Variants in DGKH observed in about 807,000 individuals in gnomAD.
DGKH encodes the protein diacylglycerol kinase eta.
A neutral mutation model predicts 159.3 loss-of-function variants in DGKH; 90 were observed. That is an observed-to-expected ratio of 0.57 (90% CI 0.48 to 0.67). The LOEUF (loss-of-function observed/expected upper bound fraction) is 0.67, where lower values mean the gene tolerates loss of function less well. Ranked by LOEUF, DGKH falls within the 30% of genes least tolerant of loss-of-function variation. The probability of loss-of-function intolerance (pLI) is 0.00; values close to 1 mark genes in which losing one functional copy is unlikely to be tolerated. For missense variants in DGKH, 1,181 were observed against 1,506.1 expected, an observed-to-expected ratio of 0.78 and a Z score of 3.57; for synonymous variants, 536 against 553.8, an observed-to-expected ratio of 0.97 and a Z score of 0.45.
At chr13:42,136,150 C>T (rs1404888109) in intron 3 of DGKH, among the ~76,000 whole-genome samples, 1 of 152,178 alleles carries the variant, frequency 6.6e-6, no homozygotes, top group Non-Finnish European at 1.5e-5. Context: ...ACCACAATAC[C>T]TGCAGTTTAA....
chr13:42,173,941 ATGTGTGTGTG>A (rs71298955), intron 11 of DGKH, 109 bp from the exon 12 acceptor site: 8 of 481,256 alleles, frequency 1.7e-5, no homozygotes, highest in African/African-American at 1.4e-4. Flanking sequence ...TAGTTCATGA[ATGTGTGTGTG>A]TGTGTGTGCG....
intron 3 of DGKH, among the ~76,000 whole-genome samples, chr13:42,147,360 C>T (rs9525581): frequency 2.6e-5 from 4 of 151,900 alleles, no homozygotes; most frequent in Admixed American, 1.3e-4. Flanking sequence ...TACTTTTTTG[C>T]TATCATTTTC....
At position 42,219,804 on chromosome 13, in the gene DGKH, C is replaced by T. The variant is rs116418522; in HGVS notation, c.3442+10C>T. On this transcript the variant is annotated intron_variant, in intron 28 of 29. Coordinates refer to ENST00000337343, the MANE Select transcript of DGKH (RefSeq NM_178009.5). ...ACAAGTTCACAGCCTGGTAGGTGGTCCATATGGAAGGGGAAATATAACATT... is the reference window on the plus strand; with the variant it reads ...ACAAGTTCACAGCCTGGTAGGTGGTTCATATGGAAGGGGAAATATAACATT... 1,057 of 1,608,428 alleles carry T rather than the reference C, an allele frequency of 6.6e-4. 3 individuals are homozygous for T. In the African/African-American group the frequency reaches 0.013, roughly 19 times the overall value.
chr13:42,207,123 C>A (rs1163973981), intron 21 of DGKH, among the ~76,000 whole-genome samples: 2 of 52,232 alleles, frequency 3.8e-5, no homozygotes, highest in African/African-American at 1.3e-4. Context: ...CTCTTTCTCT[C>A]TCCTTCCTTC....
chr13:42,138,086 G>A (rs1316876095), intron 3 of DGKH: 2 of 985,304 alleles, frequency 2.0e-6, no homozygotes, highest in South Asian at 9.4e-5. Context: ...GAGCTGAAAG[G>A]GGCCTTCAAG....
chr13:42,176,581 C>T (rs186996976), intron 12 of DGKH, among the ~76,000 whole-genome samples: 12 of 99,856 alleles, frequency 1.2e-4, no homozygotes, highest in East Asian at 1.1e-3. Context: ...GAAAGAGTAA[C>T]ATAACCACTT....
intron 3 of DGKH, among the ~76,000 whole-genome samples, chr13:42,152,240 A>G (rs926265228): frequency 3.9e-5 from 6 of 152,134 alleles, no homozygotes; most frequent in African/African-American, 1.4e-4. Flanking sequence ...ATTTGTTACA[A>G]TGGCAATAGG....
At chr13:42,216,798 TG>T in intron 26 of DGKH, 1 of 152,356 alleles carries the variant, frequency 6.6e-6, no homozygotes, top group South Asian at 2.1e-4. Flanking sequence ...ATAAAACCAG[TG>T]GAGCCCCTTC....
rs1481005870 is a variant in DGKH, at chr13:42,239,837, G to A, written c.*10649G>A. ...GACCTTGCCTCTTTCTTCCTTTTTA[G>A]TATCCTCACCAACCTTCCCTCTGTT... On this transcript the variant is annotated 3_prime_UTR_variant, in exon 30 of 30. Coordinates refer to ENST00000337343, the MANE Select transcript of DGKH (RefSeq NM_178009.5). 6.6e-6 allele frequency: 1 copy of A among 152,052 alleles called. No homozygotes were observed. Among genetic ancestry groups the A allele is most frequent in the Admixed American group, 6.6e-5 (1 of 15,262 alleles). 9.4% of individuals were successfully genotyped at this position (152,052 alleles called of 1,614,324 possible). A position where few individuals can be genotyped will look rare whatever the true frequency, so the allele number is the denominator to read the frequency against.
At chr13:42,254,816 G>A (rs1018223380) in intron 30 of DGKH, among the ~76,000 whole-genome samples, 2 of 152,058 alleles carry the variant, frequency 1.3e-5, no homozygotes, top group Non-Finnish European at 2.9e-5. Context: ...AATGTTCAAT[G>A]AAATGTTTCG....
intron 1 of DGKH, among the ~76,000 whole-genome samples, chr13:42,073,745 C>A (rs1883127673): frequency 2.0e-5 from 3 of 152,082 alleles, no homozygotes; most frequent in Non-Finnish European, 4.4e-5. Flanking sequence ...TGGTATACAA[C>A]CATGCATGCA....
intron 1 of DGKH, among the ~76,000 whole-genome samples, chr13:42,084,681 A>G (rs1030423643): frequency 3.0e-4 from 46 of 152,152 alleles, no homozygotes; most frequent in African/African-American, 1.1e-3. Context: ...AATATTCTTT[A>G]TAGGTTGCTA....
In DGKH at chr13:42,232,388, A is replaced by C. The variant is rs1958319133; in HGVS notation, c.*3200A>C. The C allele has an allele frequency of 6.6e-6, 1 of 152,192 alleles. No homozygotes were observed. The highest frequency in any genetic ancestry group is 2.1e-4 in the South Asian group (1 of 4,824). The allele number at this position is 152,192 out of a possible 1,614,324, so 9.4% of individuals were successfully genotyped here. Reference sequence around the variant, plus strand: ...AGGAAGAACTTGCTTTTAAAGGAGGAAAGGGACAGAATCAGACCTAAATAA... The same window carrying C: ...AGGAAGAACTTGCTTTTAAAGGAGGCAAGGGACAGAATCAGACCTAAATAA... On this transcript the variant is annotated 3_prime_UTR_variant, in exon 30 of 30. Coordinates refer to ENST00000337343, the MANE Select transcript of DGKH (RefSeq NM_178009.5).
intron 15 of DGKH, 138 bp downstream of exon 15, chr13:42,189,447 A>G: frequency 2.6e-6 from 3 of 1,160,626 alleles, no homozygotes; most frequent in Non-Finnish European, 2.4e-6. Context: ...TACAGTCATT[A>G]TAAGAAAACT....
At chr13:42,206,175 C>T (rs756099282) in intron 21 of DGKH, 29 bp downstream of exon 21, 2 of 1,319,946 alleles carry the variant, frequency 1.5e-6, no homozygotes, top group South Asian at 4.3e-5. Flanking sequence ...TAGTTTGTTT[C>T]CTCAAAAATA....
chr13:42,159,461 G>A, intron 6 of DGKH, 89 bp downstream of exon 6: 1 of 914,584 alleles, frequency 1.1e-6, no homozygotes, highest in Non-Finnish European at 1.7e-6. Context: ...AAGTAGGAAT[G>A]CTTATTATTA....
intron 26 of DGKH, 25 bp downstream of exon 26, chr13:42,215,692 A>G (rs1408034962): frequency 6.3e-7 from 1 of 1,576,032 alleles, no homozygotes; most frequent in African/African-American, 1.3e-5. Context: ...GACTGGTAAC[A>G]TAAGAATGAT....
intron 12 of DGKH, among the ~76,000 whole-genome samples, chr13:42,176,112 T>C (rs1476804245): frequency 6.6e-6 from 1 of 152,234 alleles, no homozygotes; most frequent in African/African-American, 2.4e-5. Context: ...GCTATTTTAT[T>C]TTCCTCTGAG....
rs576211782 is a variant in DGKH at position 42,253,413 on chromosome 13, C to T, written n.4127+932C>T. Among the ~76,000 whole-genome samples the T allele has an allele frequency of 3.9e-5, 6 of 152,316 alleles. No individual in the cohort carries two copies. In the South Asian group the frequency reaches 1.2e-3, roughly 32 times the overall value. On this transcript the variant is annotated intron_variant and non_coding_transcript_variant, in intron 30 of 30. Coordinates refer to the DGKH transcript ENST00000498255. The stretch of plus-strand genomic sequence containing the variant: ...GCCATTGCCTTGATCTTGGACTTCT[C>T]AGCTTCCAGAGCTGAAAGTGAAATG...
Sources: allele counts gnomAD v4.1 joint callset (sites outside exome capture counted in the v4.1 genomes callset), GRCh38; gene constraint gnomAD v4.1.1; transcripts MANE v1.5; gene names NCBI Gene and HGNC (gene_info 2026-07-23, HGNC 2026-07-21).